GUCA2B: variants seen among roughly 807,000 people sequenced by gnomAD.
The protein encoded by GUCA2B is prepro-uroguanylin.
Under a neutral mutation model 11.1 loss-of-function variants are expected in GUCA2B, and 7 were observed. The observed-to-expected ratio is 0.63, with a 90% CI of 0.36 to 1.18. The LOEUF (loss-of-function observed/expected upper bound fraction) is 1.18. GUCA2B is among the 50% of genes most tolerant of loss of function. The pLI is 0.02. For synonymous variants in GUCA2B, 69 were observed against 65.3 expected, an observed-to-expected ratio of 1.06 and a Z score of -0.27; for missense variants, 140 against 142.5, an observed-to-expected ratio of 0.98 and a Z score of 0.09.
chr1:42,154,308 C>G (rs934022885), intron 1 of GUCA2B, among the ~76,000 whole-genome samples: 5 of 152,220 alleles, frequency 3.3e-5, no homozygotes, highest in Admixed American at 2.6e-4. Flanking sequence ...GCTGCCATCA[C>G]TCTGCCATGT....
rs1473588216 is a variant in GUCA2B at position 42,153,529 on chromosome 1, G to A, written c.79G>A (p.Val27Ile). The A allele has an allele frequency of 6.2e-7, 1 of 1,611,236 alleles. No individual in the cohort carries two copies. Among genetic ancestry groups the A allele is most frequent in the Non-Finnish European group, 8.5e-7 (1 of 1,178,126 alleles). Residue 27 changes from valine to isoleucine, a missense_variant, in exon 1 of 3, where the codon GTC (valine) becomes ATC (isoleucine). Physicochemically the swap from Val to Ile is conservative, Grantham distance 29 (BLOSUM62 3). Transcript: ENST00000372581. ...LLLLLQSTQS[V>I]YIQYQGFRVQ... is the part of the protein sequence containing the mutation. ...GCTGCTGCTGCAGAGCACACAGTCA[G>A]TCTACATCCAGGTGAGTCCCTTGGC...
chr1:42,154,570 G>C lies in GUCA2B; in HGVS notation c.91-110G>C. On this transcript the variant is annotated intron_variant, in intron 1 of 2. Transcript: ENST00000372581. ...GTGGCCCTGGACTTCCCATAGAGACGGGGAAGGCTCTGGAGGATCTGCAGG... is the reference window on the plus strand; with the variant it reads ...GTGGCCCTGGACTTCCCATAGAGACCGGGAAGGCTCTGGAGGATCTGCAGG... 13 of 862,992 alleles carry C rather than the reference G, an allele frequency of 1.5e-5. No individual in the cohort carries two copies. The South Asian group carries it at 1.6e-4, about 11-fold the overall frequency. The allele number at this position is 862,992 out of a possible 1,614,324, so 53.5% of individuals were successfully genotyped here.
intron 1 of GUCA2B, 109 bp downstream of exon 1, chr1:42,153,649 C>T (rs924160602): frequency 1.8e-5 from 14 of 773,928 alleles, no homozygotes; most frequent in East Asian, 5.4e-5. Context: ...GCACGGGGCC[C>T]GGGGCTCAGC....
At chr1:42,153,664 C>A in intron 1 of GUCA2B, 124 bp downstream of exon 1, 1 of 668,164 alleles carries the variant, frequency 1.5e-6, no homozygotes, top group Non-Finnish European at 2.6e-6. Context: ...CTCAGCCCAA[C>A]ACCCATCACA....
At chr1:42,154,625 G>T in intron 1 of GUCA2B, 55 bp from the exon 2 acceptor site, 1 of 1,435,378 alleles carries the variant, frequency 7.0e-7, no homozygotes, top group Non-Finnish European at 9.8e-7. Flanking sequence ...TCATGGCAGT[G>T]CCTGCCCCTG....
At position 42,154,781 on chromosome 1, in the gene GUCA2B, C is replaced by T. The variant is rs572221335; in HGVS notation, c.192C>T (p.Pro64=). The part of the protein sequence containing the change: ...SPRLQAQSLL[P]AVCHHPALPQ... Reference sequence around the variant, plus strand: ...GCCTGCAGGCCCAGAGCCTCCTGCCCGCCGTGTGCCACCACCCTGCTCTGC... The same window carrying T: ...GCCTGCAGGCCCAGAGCCTCCTGCCTGCCGTGTGCCACCACCCTGCTCTGC... Residue 64 remains proline (P), a synonymous_variant, in exon 2 of 3, where the codon CCC becomes CCT. Transcript: ENST00000372581. 6.8e-6 allele frequency: 11 copies of T among 1,614,066 alleles called. No individual in the cohort carries two copies. The highest frequency in any genetic ancestry group is 5.0e-5 in the Admixed American group (3 of 60,030).
At position 42,153,542 on chromosome 1, in the gene GUCA2B, T is replaced by C. The variant is rs1569688424; in HGVS notation, c.90+2T>C. 4 of 1,604,592 alleles carry C rather than the reference T, an allele frequency of 2.5e-6. No individual in the cohort carries two copies. Among genetic ancestry groups the C allele is most frequent in the Non-Finnish European group, 3.4e-6 (4 of 1,172,518 alleles). The stretch of plus-strand genomic sequence containing the variant: ...AGCACACAGTCAGTCTACATCCAGG[T>C]GAGTCCCTTGGCCAGCGTTCCCTTT... On this transcript the variant is annotated splice_donor_variant, in intron 1 of 2. Transcript: ENST00000372581. LOFTEE classifies it high-confidence loss of function.
Position 42,153,445 on chromosome 1 carries a change from A to G in GUCA2B, c.-6A>G. On this transcript the variant is annotated 5_prime_UTR_variant, in exon 1 of 3. Transcript: ENST00000372581. The stretch of plus-strand genomic sequence containing the variant: ...GGACAGCGGCAGGGGGAACCCAGGG[A>G]GCGCGATGGGCTGCAGGGCTGCATC... 1 of 1,605,058 alleles carries G rather than the reference A, an allele frequency of 6.2e-7. No individual in the cohort carries two copies. Among genetic ancestry groups the G allele is most frequent in the Non-Finnish European group, 8.5e-7 (1 of 1,174,576 alleles).
intron 2 of GUCA2B, among the ~76,000 whole-genome samples, chr1:42,155,115 G>C (rs1312985659): frequency 2.0e-5 from 3 of 152,238 alleles, no homozygotes; most frequent in Non-Finnish European, 4.4e-5. Flanking sequence ...GCGTGGAGCA[G>C]AGAGGAGAGC....
chr1:42,155,707 C>A lies in GUCA2B; in HGVS notation c.*111C>A. Reference sequence around the variant, plus strand: ...AAGATGGGTCCCTGGCCACCATGGTCATCACCACCCTTCCAGGGCCTGAGC... The same window carrying A: ...AAGATGGGTCCCTGGCCACCATGGTAATCACCACCCTTCCAGGGCCTGAGC... On this transcript the variant is annotated 3_prime_UTR_variant, in exon 3 of 3. Coordinates refer to ENST00000372581, the MANE Select transcript of GUCA2B (RefSeq NM_007102.3). 1.2e-6 allele frequency: 1 copy of A among 831,168 alleles called. No individual in the cohort carries two copies. The highest frequency in any genetic ancestry group is 1.3e-5 in the South Asian group (1 of 74,216). 51.5% of individuals were successfully genotyped at this position (831,168 alleles called of 1,614,324 possible).
chr1:42,154,078 G>A (rs887153873), intron 1 of GUCA2B, among the ~76,000 whole-genome samples: 4 of 152,210 alleles, frequency 2.6e-5, no homozygotes, highest in African/African-American at 7.2e-5. Context: ...CTTCCAGGGG[G>A]CATGGGAGAG....
In GUCA2B at chr1:42,153,558, C is replaced by T. The variant is rs542338728; in HGVS notation, c.90+18C>T. ...ACATCCAGGTGAGTCCCTTGGCCAG[C>T]GTTCCCTTTGCCTGAAGGGCCCCAT... On this transcript the variant is annotated intron_variant, in intron 1 of 2. Coordinates refer to ENST00000372581, the MANE Select transcript of GUCA2B (RefSeq NM_007102.3). The T allele has an allele frequency of 1.3e-4, 205 of 1,571,112 alleles. 1 individual carries two copies. The South Asian group carries it at 1.7e-3, about 13-fold the overall frequency.
chr1:42,153,782 G>A (rs538444961), intron 1 of GUCA2B, among the ~76,000 whole-genome samples: 3 of 152,302 alleles, frequency 2.0e-5, no homozygotes, highest in South Asian at 2.1e-4. Context: ...TCAAAGGCCC[G>A]TGCTGGTCAC....
chr1:42,154,526 C>T (rs558858516), intron 1 of GUCA2B, among the ~76,000 whole-genome samples, 154 bp from the exon 2 acceptor site: 8 of 152,202 alleles, frequency 5.3e-5, no homozygotes, highest in African/African-American at 7.2e-5. Context: ...CACCTCTCAC[C>T]GCAGCGGCTC....
At position 42,155,692 on chromosome 1, in the gene GUCA2B, C is replaced by T; in HGVS notation, c.*96C>T. The T allele has an allele frequency of 4.3e-6, 4 of 934,118 alleles. No homozygotes were observed. The highest frequency in any genetic ancestry group is 2.4e-4 in the Middle Eastern group (1 of 4,220). The allele number at this position is 934,118 out of a possible 1,614,324, so 57.9% of individuals were successfully genotyped here. ...TCCCCGTCCATGCTCAAGATGGGTC[C>T]CTGGCCACCATGGTCATCACCACCC... On this transcript the variant is annotated 3_prime_UTR_variant, in exon 3 of 3. Transcript: ENST00000372581.
chr1:42,153,688 G>A, intron 1 of GUCA2B, 148 bp downstream of exon 1: 2 of 613,054 alleles, frequency 3.3e-6, no homozygotes, highest in Non-Finnish European at 5.8e-6. Context: ...CAGAGACCAA[G>A]GCAGCTGGTG....
intron 2 of GUCA2B, among the ~76,000 whole-genome samples, chr1:42,155,243 C>T (rs1397956621): frequency 6.6e-6 from 1 of 152,222 alleles, no homozygotes; most frequent in Non-Finnish European, 1.5e-5. Flanking sequence ...CTAGCTAGCA[C>T]TTACTGAGCA....
chr1:42,154,531 C>A (rs1204902519), intron 1 of GUCA2B, 149 bp from the exon 2 acceptor site: 2 of 671,838 alleles, frequency 3.0e-6, no homozygotes, highest in African/African-American at 1.8e-5. Flanking sequence ...CTCACCGCAG[C>A]GGCTCTTTCC....
chr1:42,155,421 C>G (rs377623366), intron 2 of GUCA2B, 114 bp from the exon 3 acceptor site: 2 of 841,454 alleles, frequency 2.4e-6, no homozygotes, highest in Non-Finnish European at 4.1e-6. Flanking sequence ...CACCTCTAGA[C>G]GTTCCTGCTC....
Sources: gnomAD v4.1 joint callset for allele counts (sites outside exome capture counted in the v4.1 genomes callset) on GRCh38, gnomAD v4.1.1 for gene constraint, MANE v1.5 for transcripts, NCBI Gene and HGNC (gene_info 2026-07-23, HGNC 2026-07-21) for gene names.